The following CASK variants were observed in gnomAD, a reference collection of about 807,000 sequenced individuals.
The protein encoded by CASK is calcium/calmodulin dependent serine protein kinase.
CASK carries 4 observed loss-of-function variants against 82.9 expected under a neutral mutation model. That is an observed-to-expected ratio of 0.05 (90% CI 0.02 to 0.11). The LOEUF (loss-of-function observed/expected upper bound fraction) is 0.11. Among genes scored for constraint, CASK ranks in the 10% least tolerant of loss-of-function variants. The pLI is 1.00. For missense variants in CASK, 358 were observed against 720.9 expected (o/e 0.50, Z 5.76); for synonymous variants, 259 against 253.5 (o/e 1.02, Z -0.20).
intron 22 of CASK, among the ~76,000 whole-genome samples, chrX:41,542,485 T>C (rs886986892): frequency 4.4e-5 from 5 of 113,123 alleles, no homozygotes; most frequent in Non-Finnish European, 7.5e-5. Flanking sequence ...TTTTGTCCTA[T>C]AAAGTATAGC....
chrX:41,868,794 G>A (rs968272796), intron 1 of CASK, among the ~76,000 whole-genome samples: 1 of 111,523 alleles, frequency 9.0e-6, no homozygotes, highest in African/African-American at 3.3e-5. Flanking sequence ...AAAGGGTTGT[G>A]TCTGGCGCAT....
In CASK at chrX:41,516,694, G is replaced by A. The variant is rs2064555085; in HGVS notation, c.*3726C>T. The A allele has an allele frequency of 9.0e-6, 1 of 111,475 alleles. No homozygotes were observed. The highest frequency in any genetic ancestry group is 1.9e-5 in the Non-Finnish European group (1 of 53,137). 9.2% of individuals were successfully genotyped at this position (111,475 alleles called of 1,213,427 possible). ...ATAGGAAGCAAGAAGGAGGAGGGAT[G>A]AGGATGACAAGGAGCTTGGTTTTGG... On this transcript the variant is annotated 3_prime_UTR_variant, in exon 27 of 27. Transcript: ENST00000378163.
At chrX:41,909,068 G>A (rs770966623) in intron 1 of CASK, among the ~76,000 whole-genome samples, 10 of 111,979 alleles carry the variant, frequency 8.9e-5, no homozygotes, top group East Asian at 2.8e-4. Context: ...AATCTTTAGC[G>A]TGCCTCAGAA....
intron 21 of CASK, among the ~76,000 whole-genome samples, chrX:41,544,792 T>C (rs2064999204): frequency 9.1e-6 from 1 of 109,607 alleles, no homozygotes; most frequent in Non-Finnish European, 1.9e-5. Flanking sequence ...TCCCAGCTAC[T>C]AGGAAGGCTG....
At chrX:41,643,254 C>T (rs954361937) in intron 8 of CASK, among the ~76,000 whole-genome samples, 37 of 111,596 alleles carry the variant, frequency 3.3e-4, no homozygotes, top group Admixed American at 1.3e-3. Context: ...CTTGGCAATG[C>T]GGGCTCTTTT....
At chrX:41,730,641 G>C (rs1170684909) in intron 5 of CASK, among the ~76,000 whole-genome samples, 1 of 111,281 alleles carries the variant, frequency 9.0e-6, no homozygotes, top group Non-Finnish European at 1.9e-5. Flanking sequence ...AAATCATAGA[G>C]TAACTCAAAG....
chrX:41,907,225 G>T (rs2072484418), intron 1 of CASK, among the ~76,000 whole-genome samples: 1 of 112,041 alleles, frequency 8.9e-6, no homozygotes, highest in African/African-American at 3.2e-5. Flanking sequence ...GTATCATTTG[G>T]CAAAGTCATA....
intron 1 of CASK, among the ~76,000 whole-genome samples, chrX:41,907,263 A>G (rs1009678528): frequency 1.8e-5 from 2 of 112,275 alleles, no homozygotes; most frequent in African/African-American, 6.5e-5. Flanking sequence ...TCAGTTATGT[A>G]AAGAAAAACA....
intron 3 of CASK, among the ~76,000 whole-genome samples, chrX:41,755,012 G>A (rs1172330138): frequency 9.2e-6 from 1 of 108,446 alleles, no homozygotes; most frequent in African/African-American, 3.4e-5. Flanking sequence ...CTGAATAGCT[G>A]GGACTACAGG....
At chrX:41,887,296 CCACACACACACA>C (rs3055225) in intron 1 of CASK, among the ~76,000 whole-genome samples, 85 of 83,505 alleles carry the variant, frequency 1.0e-3, no homozygotes, top group African/African-American at 2.9e-3. Flanking sequence ...CTAGTTGAGT[CCACACACACACA>C]CACACACACA....
At chrX:41,911,602 C>A (rs2072567977) in intron 1 of CASK, among the ~76,000 whole-genome samples, 1 of 112,258 alleles carries the variant, frequency 8.9e-6, no homozygotes, top group Non-Finnish European at 1.9e-5. Context: ...AGGAACACTA[C>A]AATATTCATA....
intron 14 of CASK, among the ~76,000 whole-genome samples, chrX:41,580,705 CA>C (rs931206222): frequency 9.0e-5 from 10 of 111,251 alleles, no homozygotes; most frequent in Non-Finnish European, 1.9e-4. Context: ...AAAAGGGGGC[CA>C]CTTACAGACT....
chrX:41,648,697 T>C (rs1569367188), intron 8 of CASK, among the ~76,000 whole-genome samples: 1 of 111,858 alleles, frequency 8.9e-6, no homozygotes, highest in Non-Finnish European at 1.9e-5. Flanking sequence ...CCCCGATAGA[T>C]ATTGGTCTAA....
chrX:41,832,034 C>T (rs1292037076), intron 2 of CASK, among the ~76,000 whole-genome samples: 1 of 109,048 alleles, frequency 9.2e-6, no homozygotes, highest in Non-Finnish European at 1.9e-5. Context: ...AACACGAAAC[C>T]TAAAAAAAAA....
chrX:41,825,125 AC>A (rs930222702), intron 2 of CASK, among the ~76,000 whole-genome samples: 12 of 111,648 alleles, frequency 1.1e-4, no homozygotes, highest in Admixed American at 1.0e-3. Context: ...GGGAACAGAT[AC>A]CCCATTTTAC....
At chrX:41,588,755 A>C (rs113001225) in intron 13 of CASK, among the ~76,000 whole-genome samples, 2,705 of 111,023 alleles carry the variant, frequency 0.024, 98 homozygotes, top group African/African-American at 0.084. Flanking sequence ...AAAAAAAAAA[A>C]ACCCATGTGT....
At chrX:41,574,728 C>G (rs1398578120) in intron 15 of CASK, among the ~76,000 whole-genome samples, 1 of 112,088 alleles carries the variant, frequency 8.9e-6, no homozygotes, top group Non-Finnish European at 1.9e-5. Context: ...TACTTTTTAA[C>G]AGGCTCCCTT....
Position 41,572,245 on chromosome X carries a change from T to A in CASK, c.1504-2499A>T, listed in dbSNP as rs535505011. ...AACTACAGGCATGCACCACCAAACC[T>A]GGCTTCTACCTTTTTACTTTGAAAC... On this transcript the variant is annotated intron_variant, in intron 15 of 26. Coordinates refer to ENST00000378163, the MANE Select transcript of CASK (RefSeq NM_001367721.1). 8.1e-5 allele frequency among the ~76,000 whole-genome samples: 9 copies of A among 110,482 alleles called. No homozygotes were observed. In the South Asian group the frequency reaches 3.5e-3, roughly 43 times the overall value.
intron 2 of CASK, among the ~76,000 whole-genome samples, chrX:41,826,685 C>T (rs761063061): frequency 3.6e-5 from 4 of 111,311 alleles, no homozygotes; most frequent in Admixed American, 1.9e-4. Context: ...GTTGGTTGGC[C>T]GGGCTGGTCT....
Sources: allele counts gnomAD v4.1 joint callset (sites outside exome capture counted in the v4.1 genomes callset), GRCh38; gene constraint gnomAD v4.1.1; transcripts MANE v1.5; gene names NCBI Gene and HGNC (gene_info 2026-07-23, HGNC 2026-07-21).